TRIM14: variants seen among roughly 807,000 people sequenced by gnomAD.
TRIM14 encodes tripartite motif containing 14, also known as tripartite motif-containing protein 14.
A neutral mutation model predicts 44.5 loss-of-function variants in TRIM14; 28 were observed. That is an observed-to-expected ratio of 0.63 (90% CI 0.47 to 0.86). The LOEUF (loss-of-function observed/expected upper bound fraction) is 0.86, where lower values mean the gene tolerates loss of function less well. Among genes scored for constraint, TRIM14 ranks in the 40% least tolerant of loss-of-function variants. The pLI is 0.00. For synonymous variants in TRIM14, 299 were observed against 269.2 expected (o/e 1.11, Z -1.08); for missense variants, 607 against 611.1 (o/e 0.99, Z 0.07).
rs572858466 is a variant in TRIM14, at chr9:98,085,072, A to G, written c.*2398T>C. 1.3e-4 allele frequency: 20 copies of G among 152,256 alleles called. No individual in the cohort carries two copies. Among genetic ancestry groups the G allele is most frequent in the African/African-American group, 4.8e-4 (20 of 41,536 alleles). 9.4% of individuals were successfully genotyped at this position (152,256 alleles called of 1,614,324 possible). On this transcript the variant is annotated 3_prime_UTR_variant, in exon 6 of 6. Transcript: ENST00000341469. ...AGTCTAGCTCTGTCTCTGCTACATGAATCCCAAATTTTTGAATCAAGTTCC... is the reference window on the plus strand; with the variant it reads ...AGTCTAGCTCTGTCTCTGCTACATGGATCCCAAATTTTTGAATCAAGTTCC...
chr9:98,047,404 A>G, the TRIM14 span, among the ~76,000 whole-genome samples: 2 of 152,122 alleles, frequency 1.3e-5, no homozygotes, highest in Non-Finnish European at 2.9e-5. Context: ...TAGTACCAGT[A>G]GAGTGGACCA....
At chr9:98,074,616 T>C (rs1829499929) in intron 6 of TRIM14, 1 of 152,200 alleles carries the variant, frequency 6.6e-6, no homozygotes, top group Non-Finnish European at 1.5e-5. Flanking sequence ...CCCTTCCCTT[T>C]CCAGCAGGAA....
chr9:98,112,013 A>AAAT (rs1483763112), intron 1 of TRIM14, among the ~76,000 whole-genome samples: 2 of 152,152 alleles, frequency 1.3e-5, no homozygotes, highest in Admixed American at 1.3e-4. Context: ...GGTCATTATA[A>AAAT]AACGTCTGAA....
intron 3 of TRIM14, among the ~76,000 whole-genome samples, chr9:98,096,305 G>T (rs554741026): frequency 1.3e-5 from 2 of 152,278 alleles, no homozygotes; most frequent in South Asian, 4.1e-4. Context: ...GGGGAACCAG[G>T]CCTAAGGTCA....
At chr9:98,080,357 GATTA>G (rs1337866882), downstream of TRIM14, among the ~76,000 whole-genome samples, 14 of 152,280 alleles carry the variant, frequency 9.2e-5, no homozygotes, top group Admixed American at 3.3e-4. Context: ...ATAGATAACG[GATTA>G]ATTATTTATC....
chr9:98,086,029 G>A lies in TRIM14; in HGVS notation c.*1441C>T, dbSNP rs1448911829. 1.3e-5 allele frequency: 2 copies of A among 152,262 alleles called. No individual in the cohort carries two copies. Among genetic ancestry groups the A allele is most frequent in the African/African-American group, 4.8e-5 (2 of 41,440 alleles). The allele number at this position is 152,262 out of a possible 1,614,324, so 9.4% of individuals were successfully genotyped here. ...TCCCTGCTAGCGAAGGTGGCCTCCT[G>A]TGAGGGCCTACTGTTTTCTACCTCT... On this transcript the variant is annotated 3_prime_UTR_variant, in exon 6 of 6. Coordinates refer to ENST00000341469, the MANE Select transcript of TRIM14 (RefSeq NM_014788.4).
intron 5 of TRIM14, among the ~76,000 whole-genome samples, chr9:98,088,262 A>T (rs890768542): frequency 7.2e-5 from 11 of 152,172 alleles, no homozygotes; most frequent in Non-Finnish European, 1.5e-4. Context: ...AATTAATACA[A>T]ATTTAATTAA....
chr9:98,064,465 A>G (rs1829076368), downstream of TRIM14, among the ~76,000 whole-genome samples: 1 of 152,162 alleles, frequency 6.6e-6, no homozygotes, highest in South Asian at 2.1e-4. Context: ...CATGTTGACC[A>G]GGCTGGTCTT....
the TRIM14 span, among the ~76,000 whole-genome samples, chr9:98,048,754 T>C: frequency 6.6e-6 from 1 of 152,198 alleles, no homozygotes; most frequent in Admixed American, 6.5e-5. Context: ...CTGGGCATGG[T>C]AGCTCATGCC....
intron 1 of TRIM14, among the ~76,000 whole-genome samples, chr9:98,117,464 A>G (rs961599368): frequency 6.6e-6 from 1 of 151,640 alleles, no homozygotes; most frequent in African/African-American, 2.4e-5. Flanking sequence ...CACCTGGCTG[A>G]TTTTCATATT....
intron 1 of TRIM14, among the ~76,000 whole-genome samples, chr9:98,113,429 A>T (rs1456154069): frequency 6.6e-6 from 1 of 152,148 alleles, no homozygotes; most frequent in East Asian, 1.9e-4. Flanking sequence ...ATCTTGGCTC[A>T]CTGCAGCCTT....
At chr9:98,082,896 A>C, downstream of TRIM14, 3 of 1,614,206 alleles carry the variant, frequency 1.9e-6, 1 homozygote, top group Middle Eastern at 3.3e-4. Flanking sequence ...GCACCATTCT[A>C]ACAATGGACA....
Position 98,086,325 on chromosome 9 carries a change from CG to C in TRIM14, c.*1144del, listed in dbSNP as rs896537063. 1 of 152,258 alleles carries C rather than the reference CG, an allele frequency of 6.6e-6. No homozygotes were observed. The highest frequency in any genetic ancestry group is 1.5e-5 in the Non-Finnish European group (1 of 68,118). The allele number at this position is 152,258 out of a possible 1,614,324, so 9.4% of individuals were successfully genotyped here. A position where few individuals can be genotyped will look rare whatever the true frequency, so the allele number is the denominator to read the frequency against. On this transcript the variant is annotated 3_prime_UTR_variant, in exon 6 of 6. Coordinates refer to ENST00000341469, the MANE Select transcript of TRIM14 (RefSeq NM_014788.4). ...CACGTCTGGCCCCCCTATATCACCCCGGGGTAACTTTACGCAGCTCTGCTTT... is the reference window on the plus strand; with the variant it reads ...CACGTCTGGCCCCCCTATATCACCCCGGGTAACTTTACGCAGCTCTGCTTT...
intron 2 of TRIM14, among the ~76,000 whole-genome samples, chr9:98,101,684 G>T (rs1034139958): frequency 6.6e-6 from 1 of 151,862 alleles, no homozygotes; most frequent in African/African-American, 2.4e-5. Flanking sequence ...GTCCCCCAAA[G>T]TGCTGGATTA....
At chr9:98,036,519 A>AAAAAG in the TRIM14 span, among the ~76,000 whole-genome samples, 5 of 141,520 alleles carry the variant, frequency 3.5e-5, no homozygotes, top group East Asian at 4.0e-4. Context: ...AAAAAAAAAA[A>AAAAAG]TGCTAGGCAA....
downstream of TRIM14, among the ~76,000 whole-genome samples, chr9:98,082,436 C>A (rs1829912748): frequency 6.6e-6 from 1 of 152,130 alleles, no homozygotes; most frequent in African/African-American, 2.4e-5. Flanking sequence ...TGAATGGTAA[C>A]CAAAAGAATC....
chr9:98,046,147 G>GA, the TRIM14 span, among the ~76,000 whole-genome samples: 54 of 151,794 alleles, frequency 3.6e-4, no homozygotes, highest in African/African-American at 1.1e-3. Context: ...GCTTACACAG[G>GA]AAAAAAAATC....
At chr9:98,042,855 C>T in the TRIM14 span, among the ~76,000 whole-genome samples, 4 of 148,118 alleles carry the variant, frequency 2.7e-5, no homozygotes, top group Non-Finnish European at 1.5e-5. Flanking sequence ...GGAGACAGAG[C>T]GAGACTCTAC....
Position 98,087,210 on chromosome 9 carries a change from A to G in TRIM14, c.*260T>C, listed in dbSNP as rs1426103612. On this transcript the variant is annotated 3_prime_UTR_variant, in exon 6 of 6. Transcript: ENST00000341469. ...GGTATCACTTTGAAGGAACTGGATTAAAGTAGTGTAAGTGATGGTGGGGTG... is the reference window on the plus strand; with the variant it reads ...GGTATCACTTTGAAGGAACTGGATTGAAGTAGTGTAAGTGATGGTGGGGTG... 16 of 760,074 alleles carry G rather than the reference A, an allele frequency of 2.1e-5. No homozygotes were observed. Among genetic ancestry groups the G allele is most frequent in the Admixed American group, 3.5e-5 (2 of 57,882 alleles). 47.1% of individuals were successfully genotyped at this position (760,074 alleles called of 1,614,324 possible). A position where few individuals can be genotyped will look rare whatever the true frequency, so the allele number is the denominator to read the frequency against.
Sources: allele counts gnomAD v4.1 joint callset (sites outside exome capture counted in the v4.1 genomes callset), GRCh38; gene constraint gnomAD v4.1.1; transcripts MANE v1.5; gene names NCBI Gene and HGNC (gene_info 2026-07-23, HGNC 2026-07-21).